Variants in LRMDA observed in about 807,000 individuals in gnomAD.
The protein encoded by LRMDA is leucine-rich melanocyte differentiation-associated protein.
A neutral mutation model predicts 29.8 loss-of-function variants in LRMDA; 18 were observed. That is an observed-to-expected ratio of 0.60 (90% CI 0.42 to 0.90). The LOEUF (loss-of-function observed/expected upper bound fraction) is 0.90. Among genes scored for constraint, LRMDA ranks in the 40% least tolerant of loss-of-function variants. The probability of loss-of-function intolerance (pLI) is 0.00; values close to 1 mark genes in which losing one functional copy is unlikely to be tolerated. For missense variants in LRMDA, 273 were observed against 273.9 expected, an observed-to-expected ratio of 1.00 and a Z score of 0.02; for synonymous variants, 125 against 109.4, an observed-to-expected ratio of 1.14 and a Z score of -0.89.
At chr10:75,656,135 T>G (rs911435428) in intron 2 of LRMDA, among the ~76,000 whole-genome samples, 18 of 152,266 alleles carry the variant, frequency 1.2e-4, no homozygotes, top group African/African-American at 3.6e-4. Flanking sequence ...CATAGTAGTT[T>G]TTTGAACAAT....
intron 6 of LRMDA, among the ~76,000 whole-genome samples, chr10:76,464,345 G>A (rs919633154): frequency 6.6e-6 from 1 of 152,126 alleles, no homozygotes. Flanking sequence ...GTTGGGAACT[G>A]CAATTGTAAG....
chr10:76,064,348 C>T (rs368542166), intron 5 of LRMDA, among the ~76,000 whole-genome samples: 9 of 152,120 alleles, frequency 5.9e-5, no homozygotes, highest in East Asian at 5.8e-4. Flanking sequence ...CCTCGTCACT[C>T]GGGGTGGTAC....
At chr10:75,846,737 C>T (rs535839825) in intron 2 of LRMDA, among the ~76,000 whole-genome samples, 30 of 152,124 alleles carry the variant, frequency 2.0e-4, no homozygotes, top group Admixed American at 1.4e-3. Flanking sequence ...CCACCACCAA[C>T]AAAAACCAAA....
chr10:76,438,518 A>C (rs565878794), intron 6 of LRMDA: 7 of 152,138 alleles, frequency 4.6e-5, no homozygotes, highest in Non-Finnish European at 7.4e-5. Flanking sequence ...TTATTACAGC[A>C]TGGAGGATGG....
intron 5 of LRMDA, among the ~76,000 whole-genome samples, chr10:76,232,815 C>T (rs1389845145): frequency 2.0e-5 from 3 of 152,138 alleles, no homozygotes; most frequent in Non-Finnish European, 4.4e-5. Context: ...GTCCCCCTAC[C>T]CAAAGGTGGG....
rs534262234 is a variant in LRMDA at position 76,194,174 on chromosome 10, T to A, written c.517-130227T>A. ...AAGAATTTTGAGTCTGTTGCAGAAG[T>A]GCTTAGATTTGGCCTGTTTGTAGTA... On this transcript the variant is annotated intron_variant, in intron 5 of 6. Transcript: ENST00000611255. 5.3e-5 allele frequency among the ~76,000 whole-genome samples: 8 copies of A among 152,274 alleles called. No homozygotes were observed. In the East Asian group the frequency reaches 1.2e-3, roughly 22 times the overall value.
At chr10:75,656,320 T>G (rs906433398) in intron 2 of LRMDA, among the ~76,000 whole-genome samples, 6 of 152,146 alleles carry the variant, frequency 3.9e-5, no homozygotes, top group Non-Finnish European at 8.8e-5. Context: ...CTTGAATGAG[T>G]TAAAGTACCC....
intron 2 of LRMDA, among the ~76,000 whole-genome samples, chr10:75,952,479 C>T (rs1457005592): frequency 6.6e-6 from 1 of 152,070 alleles, no homozygotes; most frequent in East Asian, 1.9e-4. Context: ...TCTTCAGATA[C>T]GTTTGTGTTC....
At chr10:76,320,815 A>G (rs1840761917) in intron 5 of LRMDA, among the ~76,000 whole-genome samples, 1 of 152,214 alleles carries the variant, frequency 6.6e-6, no homozygotes, top group African/African-American at 2.4e-5. Context: ...CCCCAGTCCT[A>G]CTACACTGCC....
intron 6 of LRMDA, among the ~76,000 whole-genome samples, chr10:76,382,619 A>T (rs1841606486): frequency 1.3e-5 from 2 of 151,954 alleles, no homozygotes; most frequent in South Asian, 4.2e-4. Context: ...CATAAACTAA[A>T]CTCCTTTTGG....
chr10:75,520,057 C>A (rs2132036794), intron 2 of LRMDA, among the ~76,000 whole-genome samples: 1 of 152,320 alleles, frequency 6.6e-6, no homozygotes, highest in South Asian at 2.1e-4. Flanking sequence ...CACTGTTAGT[C>A]TGATGGGCTT....
At chr10:76,314,459 C>T (rs186982015) in intron 5 of LRMDA, among the ~76,000 whole-genome samples, 1 of 152,184 alleles carries the variant, frequency 6.6e-6, no homozygotes, top group Non-Finnish European at 1.5e-5. Context: ...ATGAATCAAG[C>T]TCTCACTTGC....
chr10:76,061,857 C>T lies in LRMDA; in HGVS notation c.516+3074C>T, dbSNP rs192543638. On this transcript the variant is annotated intron_variant, in intron 5 of 6. Transcript: ENST00000611255. ...GCCTACATTGAATGGCAGGCAGTTC[C>T]CTTTTGTCTGTTATTTTCAGAGATA... Among the ~76,000 whole-genome samples, 7 of 152,154 alleles carry T rather than the reference C, an allele frequency of 4.6e-5. No individual in the cohort carries two copies. In the East Asian group the frequency reaches 1.4e-3, roughly 29 times the overall value.
chr10:75,855,349 G>C (rs1844807142), intron 2 of LRMDA, among the ~76,000 whole-genome samples: 1 of 152,108 alleles, frequency 6.6e-6, no homozygotes, highest in South Asian at 2.1e-4. Flanking sequence ...TGTGTCTGTT[G>C]GCTGCATAAA....
chr10:76,283,871 G>T (rs1363390734), intron 5 of LRMDA, among the ~76,000 whole-genome samples: 1 of 152,180 alleles, frequency 6.6e-6, no homozygotes. Flanking sequence ...TCACTCTATT[G>T]CCCAGGCTGA....
chr10:75,798,546 A>G (rs1381594520), intron 2 of LRMDA, among the ~76,000 whole-genome samples: 2 of 151,990 alleles, frequency 1.3e-5, no homozygotes, highest in South Asian at 2.1e-4. Context: ...TAGCTTGTTA[A>G]TATGGAAACT....
chr10:76,303,909 G>T (rs1840515981), intron 5 of LRMDA, among the ~76,000 whole-genome samples: 1 of 152,136 alleles, frequency 6.6e-6, no homozygotes, highest in East Asian at 1.9e-4. Flanking sequence ...ATCCTAAATA[G>T]GTTACACTAC....
chr10:76,501,887 T>G (rs1445184950), intron 6 of LRMDA, among the ~76,000 whole-genome samples: 1 of 151,876 alleles, frequency 6.6e-6, no homozygotes, highest in African/African-American at 2.4e-5. Flanking sequence ...TCTATTTTTG[T>G]TTTAGTTACA....
At chr10:75,992,335 C>G (rs1847385395) in intron 2 of LRMDA, among the ~76,000 whole-genome samples, 1 of 152,122 alleles carries the variant, frequency 6.6e-6, no homozygotes, top group Non-Finnish European at 1.5e-5. Context: ...GCAAAGGAAG[C>G]TGGGGTCAGT....
Sources: gnomAD v4.1 joint callset for allele counts (sites outside exome capture counted in the v4.1 genomes callset) on GRCh38, gnomAD v4.1.1 for gene constraint, MANE v1.5 for transcripts, NCBI Gene and HGNC (gene_info 2026-07-23, HGNC 2026-07-21) for gene names.